The following IL1RAPL1 variants were observed in gnomAD, a reference collection of about 807,000 sequenced individuals.
IL1RAPL1 encodes the protein interleukin 1 receptor accessory protein like 1, also known as interleukin-1 receptor accessory protein-like 1.
In IL1RAPL1, 3 loss-of-function variants were observed where a neutral mutation model predicts 48.4. That is an observed-to-expected ratio of 0.06 (90% CI 0.03 to 0.16). IL1RAPL1 has a LOEUF of 0.16. IL1RAPL1 is among the 10% of genes least tolerant of loss of function. The pLI, the probability that IL1RAPL1 is intolerant of heterozygous loss-of-function variation, is 1.00. For missense variants in IL1RAPL1, 349 were observed against 530.6 expected, an observed-to-expected ratio of 0.66 and a Z score of 3.36; for synonymous variants, 185 against 187.7, an observed-to-expected ratio of 0.99 and a Z score of 0.12.
chrX:29,502,848 A>AT (rs1481903146), intron 5 of IL1RAPL1, among the ~76,000 whole-genome samples: 1 of 111,201 alleles, frequency 9.0e-6, no homozygotes, highest in Non-Finnish European at 1.9e-5. Flanking sequence ...CTTTTTGTCA[A>AT]TTTTTTTGAA....
chrX:29,641,854 T>C lies in IL1RAPL1; in HGVS notation c.704-26576T>C, dbSNP rs1925179933. Among the ~76,000 whole-genome samples, 3 of 112,346 alleles carry C rather than the reference T, an allele frequency of 2.7e-5. No individual in the cohort carries two copies. In the South Asian group the frequency reaches 1.1e-3, roughly 42 times the overall value. On this transcript the variant is annotated intron_variant, in intron 5 of 10. Coordinates refer to ENST00000378993, the MANE Select transcript of IL1RAPL1 (RefSeq NM_014271.4). ...GAAAAATCTTTCAAAATCCAGGGTCTCATGGAGCTCATGTCTCCATCTCTG... is the reference window on the plus strand; with the variant it reads ...GAAAAATCTTTCAAAATCCAGGGTCCCATGGAGCTCATGTCTCCATCTCTG...
chrX:28,928,219 C>T (rs778828942), intron 2 of IL1RAPL1, among the ~76,000 whole-genome samples: 8 of 111,453 alleles, frequency 7.2e-5, no homozygotes, highest in Non-Finnish European at 1.3e-4. Flanking sequence ...ATCTTGTCTC[C>T]TGTACCTCGC....
chrX:28,777,571 T>C (rs1196698653), intron 1 of IL1RAPL1, among the ~76,000 whole-genome samples: 1 of 111,729 alleles, frequency 9.0e-6, no homozygotes, highest in East Asian at 2.8e-4. Flanking sequence ...CAAATACTTA[T>C]ATTTCTTTTC....
intron 6 of IL1RAPL1, among the ~76,000 whole-genome samples, chrX:29,790,440 G>C (rs905471702): frequency 1.8e-5 from 2 of 111,751 alleles, no homozygotes; most frequent in Non-Finnish European, 3.8e-5. Flanking sequence ...CATCTTGCCT[G>C]TAACTAAATT....
intron 2 of IL1RAPL1, among the ~76,000 whole-genome samples, chrX:29,164,671 A>G (rs1468515578): frequency 1.8e-5 from 2 of 112,030 alleles, no homozygotes; most frequent in Non-Finnish European, 3.8e-5. Flanking sequence ...GTGGTTTAGT[A>G]TAAATATAAG....
At chrX:29,593,391 T>C (rs1287305352) in intron 5 of IL1RAPL1, among the ~76,000 whole-genome samples, 2 of 111,961 alleles carry the variant, frequency 1.8e-5, no homozygotes, top group African/African-American at 6.5e-5. Context: ...ACTTTCTACA[T>C]TGTAGGAAAG....
At chrX:29,675,396 C>A (rs888681986) in intron 6 of IL1RAPL1, among the ~76,000 whole-genome samples, 1 of 111,749 alleles carries the variant, frequency 8.9e-6, no homozygotes, top group Admixed American at 9.5e-5. Flanking sequence ...AAGCTTCCAA[C>A]TCCTGGTCTA....
intron 2 of IL1RAPL1, among the ~76,000 whole-genome samples, chrX:28,841,997 A>G (rs1487542567): frequency 1.8e-5 from 2 of 110,950 alleles, no homozygotes; most frequent in Non-Finnish European, 3.8e-5. Context: ...GTAGGACTCA[A>G]AAGTGCATTA....
At chrX:29,307,978 A>G (rs1381945267) in intron 3 of IL1RAPL1, among the ~76,000 whole-genome samples, 1 of 112,209 alleles carries the variant, frequency 8.9e-6, no homozygotes. Context: ...TTTGATATGA[A>G]TTTTTAGGAG....
At chrX:28,772,581 A>G (rs1054861028) in intron 1 of IL1RAPL1, among the ~76,000 whole-genome samples, 12 of 111,991 alleles carry the variant, frequency 1.1e-4, no homozygotes, top group African/African-American at 3.9e-4. Context: ...AACATTGGAT[A>G]TATTACCCAG....
intron 8 of IL1RAPL1, among the ~76,000 whole-genome samples, chrX:29,936,477 AT>A (rs1933035551): frequency 9.3e-6 from 1 of 107,883 alleles, no homozygotes; most frequent in Non-Finnish European, 1.9e-5. Context: ...GCCATCTAAA[AT>A]CTTCAGTTAT....
At chrX:29,102,145 A>G (rs759400049) in intron 2 of IL1RAPL1, among the ~76,000 whole-genome samples, 14 of 110,477 alleles carry the variant, frequency 1.3e-4, no homozygotes, top group Admixed American at 7.7e-4. Context: ...AAACACCCTT[A>G]AAAAAAACTG....
chrX:29,144,624 A>T (rs1166368335), intron 2 of IL1RAPL1, among the ~76,000 whole-genome samples: 1 of 108,268 alleles, frequency 9.2e-6, no homozygotes, highest in African/African-American at 3.3e-5. Context: ...AAAAAAAAAA[A>T]AGGAAAGATC....
chrX:29,912,173 G>A (rs1322313199), intron 6 of IL1RAPL1, among the ~76,000 whole-genome samples: 1 of 111,679 alleles, frequency 9.0e-6, no homozygotes, highest in Non-Finnish European at 1.9e-5. Flanking sequence ...AAGCTGGTGT[G>A]GAATAATACC....
At chrX:29,926,657 C>T (rs1297103925) in intron 8 of IL1RAPL1, among the ~76,000 whole-genome samples, 1 of 111,934 alleles carries the variant, frequency 8.9e-6, no homozygotes. Flanking sequence ...TCACTACTGA[C>T]ATTTTGGGCT....
At chrX:29,014,848 A>C (rs1302628692) in intron 2 of IL1RAPL1, among the ~76,000 whole-genome samples, 2 of 111,851 alleles carry the variant, frequency 1.8e-5, no homozygotes, top group Admixed American at 1.9e-4. Context: ...TAATGCTTAG[A>C]TATTTAAATG....
At chrX:29,236,524 CCTTT>C (rs770961132) in intron 2 of IL1RAPL1, among the ~76,000 whole-genome samples, 12,392 of 81,918 alleles carry the variant, frequency 0.15, 912 homozygotes, top group East Asian at 0.41. Flanking sequence ...TTTTTTTTTT[CCTTT>C]CTTTTTCTTT....
chrX:28,801,655 T>C (rs1288207597), intron 2 of IL1RAPL1, among the ~76,000 whole-genome samples: 3 of 111,845 alleles, frequency 2.7e-5, no homozygotes, highest in African/African-American at 9.7e-5. Flanking sequence ...ATGAGTATTA[T>C]ATTAGGTTGG....
At chrX:29,923,251 G>T (rs1208629333) in intron 8 of IL1RAPL1, among the ~76,000 whole-genome samples, 1 of 112,305 alleles carries the variant, frequency 8.9e-6, no homozygotes. Context: ...ATGAAAGCCT[G>T]CAGAAAATCT....
Sources: allele counts gnomAD v4.1 joint callset (sites outside exome capture counted in the v4.1 genomes callset), GRCh38; gene constraint gnomAD v4.1.1; transcripts MANE v1.5; gene names NCBI Gene and HGNC (gene_info 2026-07-23, HGNC 2026-07-21).